The following CCSER1 variants were observed in gnomAD, a reference collection of about 807,000 sequenced individuals.
The protein encoded by CCSER1 is coiled-coil serine rich protein 1, also known as serine-rich coiled-coil domain-containing protein 1.
CCSER1 carries 41 observed loss-of-function variants against 82.0 expected under a neutral mutation model. That is an observed-to-expected ratio of 0.50 (90% CI 0.39 to 0.65). The LOEUF (loss-of-function observed/expected upper bound fraction) is 0.65, where lower values mean the gene tolerates loss of function less well. Ranked by LOEUF, CCSER1 falls within the 30% of genes least tolerant of loss-of-function variation. CCSER1 has a pLI of 0.00. For synonymous variants in CCSER1, 414 were observed against 383.9 expected (o/e 1.08, Z -0.92); for missense variants, 1,119 against 1,064.2 (o/e 1.05, Z -0.72).
At chr4:91,356,223 A>AT (rs1748823250) in intron 10 of CCSER1, among the ~76,000 whole-genome samples, 1 of 152,172 alleles carries the variant, frequency 6.6e-6, no homozygotes, top group Non-Finnish European at 1.5e-5. Flanking sequence ...TCCAACTGCC[A>AT]TTTTTTCTCT....
chr4:91,379,024 T>G, intron 10 of CCSER1, among the ~76,000 whole-genome samples: 1 of 152,314 alleles, frequency 6.6e-6, no homozygotes, highest in African/African-American at 2.4e-5. Context: ...GGTTTTTGTC[T>G]TTGGTTCTGT....
chr4:90,344,598 A>G (rs1433943716), intron 3 of CCSER1, among the ~76,000 whole-genome samples: 2 of 152,182 alleles, frequency 1.3e-5, no homozygotes, highest in Non-Finnish European at 2.9e-5. Context: ...TTGAAAATTT[A>G]TAAGTTGAGC....
intron 10 of CCSER1, among the ~76,000 whole-genome samples, chr4:91,147,569 C>A (rs1346960044): frequency 6.6e-6 from 1 of 152,218 alleles, no homozygotes; most frequent in Non-Finnish European, 1.5e-5. Flanking sequence ...TAGAGATCAG[C>A]TCAATACTCT....
intron 8 of CCSER1, among the ~76,000 whole-genome samples, chr4:90,916,319 T>C (rs972851050): frequency 5.3e-5 from 8 of 152,106 alleles, no homozygotes; most frequent in Admixed American, 2.0e-4. Context: ...AACAGAGATA[T>C]AGACCAATGG....
At chr4:91,032,771 A>AT (rs1741097050) in intron 9 of CCSER1, among the ~76,000 whole-genome samples, 1 of 152,232 alleles carries the variant, frequency 6.6e-6, no homozygotes. Flanking sequence ...CCTGGAAGGC[A>AT]TTTTAAAATA....
At chr4:90,176,432 T>C (rs889350483) in intron 1 of CCSER1, among the ~76,000 whole-genome samples, 2 of 152,000 alleles carry the variant, frequency 1.3e-5, no homozygotes, top group Admixed American at 1.3e-4. Flanking sequence ...GATGTTGTTT[T>C]CTGAAATAAA....
intron 3 of CCSER1, among the ~76,000 whole-genome samples, chr4:90,363,240 G>A (rs1237508700): frequency 3.3e-5 from 5 of 151,974 alleles, no homozygotes; most frequent in African/African-American, 1.2e-4. Flanking sequence ...TGCTTATCAA[G>A]CACTTGTCAT....
chr4:90,378,802 T>A (rs1467846802), intron 3 of CCSER1, among the ~76,000 whole-genome samples: 1 of 152,220 alleles, frequency 6.6e-6, no homozygotes, highest in Non-Finnish European at 1.5e-5. Flanking sequence ...ATACCCTAGA[T>A]TGTTTTACAA....
intron 10 of CCSER1, among the ~76,000 whole-genome samples, chr4:91,259,635 C>T (rs1740957826): frequency 6.6e-6 from 1 of 151,710 alleles, no homozygotes; most frequent in South Asian, 2.1e-4. Context: ...TGTTCCCCTC[C>T]CTGTGTCCAT....
At chr4:90,786,125 G>A (rs190939972) in intron 7 of CCSER1, among the ~76,000 whole-genome samples, 11 of 152,296 alleles carry the variant, frequency 7.2e-5, no homozygotes, top group African/African-American at 1.9e-4. Flanking sequence ...CTTTCATAAT[G>A]CAGAATCAAA....
chr4:91,248,783 T>C (rs973539971), intron 10 of CCSER1, among the ~76,000 whole-genome samples: 2 of 140,836 alleles, frequency 1.4e-5, no homozygotes, highest in Non-Finnish European at 3.0e-5. Context: ...AATGTATCAA[T>C]ATTAATTATT....
intron 7 of CCSER1, among the ~76,000 whole-genome samples, chr4:90,782,685 C>CTTTTT (rs61457393): frequency 5.5e-4 from 74 of 133,962 alleles, no homozygotes; most frequent in South Asian, 1.6e-3. Flanking sequence ...TTCTTTCTTT[C>CTTTTT]TTTTTTTTTT....
chr4:90,143,578 G>T (rs1242776103), intron 1 of CCSER1, among the ~76,000 whole-genome samples: 3 of 149,432 alleles, frequency 2.0e-5, no homozygotes, highest in Non-Finnish European at 4.4e-5. Context: ...GTAAATTTTT[G>T]TTGAATGAAT....
At chr4:91,097,051 C>A (rs185677955) in intron 10 of CCSER1, among the ~76,000 whole-genome samples, 1 of 152,236 alleles carries the variant, frequency 6.6e-6, no homozygotes, top group East Asian at 1.9e-4. Context: ...ACTCCAAGTG[C>A]CAGGTCCTTC....
Position 90,296,603 on chromosome 4 carries a change from T to C in CCSER1, c.-41-11641T>C, listed in dbSNP as rs534211123. On this transcript the variant is annotated intron_variant, in intron 1 of 10. Transcript: ENST00000509176. Reference sequence around the variant, plus strand: ...CCTGAATGGTAATGCCTAGGTTTTCTTCTAGGGTTTTTATGGTTTTAGGTC... The same window carrying C: ...CCTGAATGGTAATGCCTAGGTTTTCCTCTAGGGTTTTTATGGTTTTAGGTC... 4.7e-3 allele frequency among the ~76,000 whole-genome samples: 715 copies of C among 152,292 alleles called. 5 individuals are homozygous for C. Among genetic ancestry groups the C allele is most frequent in the Admixed American group, 7.7e-3 (118 of 15,294 alleles).
intron 10 of CCSER1, among the ~76,000 whole-genome samples, chr4:91,551,805 CA>C (rs1316900538): frequency 6.6e-6 from 1 of 151,532 alleles, no homozygotes; most frequent in East Asian, 1.9e-4. Context: ...CATTTACACA[CA>C]AAAGGTCACT....
chr4:91,184,561 A>G (rs978560393), intron 10 of CCSER1, among the ~76,000 whole-genome samples: 2 of 152,188 alleles, frequency 1.3e-5, no homozygotes, highest in African/African-American at 2.4e-5. Flanking sequence ...TGTTGGAGCT[A>G]TGTGCCCATT....
chr4:90,930,515 G>A (rs1729606009), intron 9 of CCSER1, among the ~76,000 whole-genome samples: 1 of 151,988 alleles, frequency 6.6e-6, no homozygotes. Context: ...CAGAGACTGA[G>A]GCAGGAGAAT....
intron 5 of CCSER1, among the ~76,000 whole-genome samples, chr4:90,510,260 A>G (rs1771306616): frequency 6.6e-6 from 1 of 152,214 alleles, no homozygotes; most frequent in Non-Finnish European, 1.5e-5. Context: ...CTTCGCTGAA[A>G]TGAGACTGAG....
Sources: gnomAD v4.1 joint callset for allele counts (sites outside exome capture counted in the v4.1 genomes callset) on GRCh38, gnomAD v4.1.1 for gene constraint, MANE v1.5 for transcripts, NCBI Gene and HGNC (gene_info 2026-07-23, HGNC 2026-07-21) for gene names.